The following AFF3 variants were observed in gnomAD, a reference collection of about 807,000 sequenced individuals.
AFF3 encodes AF4/FMR2 family member 3.
In AFF3, 32 loss-of-function variants were observed where a neutral mutation model predicts 129.7. That is an observed-to-expected ratio of 0.25 (90% CI 0.19 to 0.33). The LOEUF (loss-of-function observed/expected upper bound fraction) is 0.33, where lower values mean the gene tolerates loss of function less well. Ranked by LOEUF, AFF3 falls within the 10% of genes least tolerant of loss-of-function variation. The probability of loss-of-function intolerance (pLI) is 1.00; values close to 1 mark genes in which losing one functional copy is unlikely to be tolerated. For synonymous variants in AFF3, 644 were observed against 635.4 expected (o/e 1.01, Z -0.20); for missense variants, 1,373 against 1,592.0 (o/e 0.86, Z 2.34).
At chr2:99,888,624 T>C (rs1416503661) in intron 7 of AFF3, among the ~76,000 whole-genome samples, 1 of 152,212 alleles carries the variant, frequency 6.6e-6, no homozygotes, top group South Asian at 2.1e-4. Context: ...CAGATGGACA[T>C]TTAACTCGAT....
At chr2:99,944,520 C>A (rs1046688655) in intron 7 of AFF3, among the ~76,000 whole-genome samples, 15 of 152,194 alleles carry the variant, frequency 9.9e-5, no homozygotes, top group African/African-American at 2.9e-4. Context: ...AATTCACACA[C>A]CCTGCTGGGA....
At chr2:99,777,947 C>CAAAAAAAAGAAAAAAA (rs1684051547) in intron 8 of AFF3, among the ~76,000 whole-genome samples, 1 of 48,340 alleles carries the variant, frequency 2.1e-5, no homozygotes, top group African/African-American at 7.3e-5. Flanking sequence ...AAAGCAAAAG[C>CAAAAAAAAGAAAAAAA]AAAAAAAAAA....
chr2:99,986,382 G>A (rs1427633951), intron 7 of AFF3, among the ~76,000 whole-genome samples: 2 of 151,910 alleles, frequency 1.3e-5, no homozygotes, highest in Admixed American at 6.6e-5. Context: ...TGTAATAGCA[G>A]TGTCCTTATT....
At chr2:99,700,133 T>A (rs1451849765) in intron 11 of AFF3, among the ~76,000 whole-genome samples, 1 of 152,202 alleles carries the variant, frequency 6.6e-6, no homozygotes, top group Non-Finnish European at 1.5e-5. Context: ...CTTTTTTTTT[T>A]TTTTTGAGAC....
chr2:99,820,990 A>G (rs575479052), intron 8 of AFF3, among the ~76,000 whole-genome samples: 2 of 148,566 alleles, frequency 1.3e-5, no homozygotes, highest in East Asian at 4.1e-4. Context: ...CTCCTGCCTC[A>G]GCCTCCTGAG....
chr2:100,054,426 C>A (rs1329870355), intron 4 of AFF3, among the ~76,000 whole-genome samples: 1 of 152,234 alleles, frequency 6.6e-6, no homozygotes, highest in African/African-American at 2.4e-5. Context: ...AGAACAGAAT[C>A]AAAAGGCAGA....
At chr2:99,601,670 G>A (rs776035553) in intron 13 of AFF3, 49 bp from the exon 14 acceptor site, 20 of 1,559,686 alleles carry the variant, frequency 1.3e-5, no homozygotes, top group Non-Finnish European at 1.6e-5. Flanking sequence ...AAAGCCAAGT[G>A]AGCAAACAGG....
chr2:99,648,948 T>C (rs1237792742), intron 13 of AFF3, among the ~76,000 whole-genome samples: 2 of 60,140 alleles, frequency 3.3e-5, no homozygotes, highest in African/African-American at 5.3e-5. Context: ...CCAATCTTAG[T>C]AAGTGAAAAA....
At chr2:99,688,956 A>C (rs1056957383) in intron 11 of AFF3, among the ~76,000 whole-genome samples, 2 of 152,112 alleles carry the variant, frequency 1.3e-5, no homozygotes, top group Non-Finnish European at 2.9e-5. Flanking sequence ...TCAAACCAGA[A>C]CCTATTACCT....
At chr2:99,646,753 A>C (rs892731175) in intron 13 of AFF3, among the ~76,000 whole-genome samples, 2 of 152,248 alleles carry the variant, frequency 1.3e-5, no homozygotes, top group Non-Finnish European at 2.9e-5. Flanking sequence ...TTTATTCAAA[A>C]GAATAAGTAA....
At chr2:99,993,836 A>AATCTTGTT (rs1172651614) in intron 7 of AFF3, among the ~76,000 whole-genome samples, 1 of 98,388 alleles carries the variant, frequency 1.0e-5, no homozygotes, top group Non-Finnish European at 1.9e-5. Context: ...ACGGAGTTTC[A>AATCTTGTT]ATCTTGTTGC....
At chr2:99,592,006 T>C (rs1010103297) in intron 15 of AFF3, among the ~76,000 whole-genome samples, 3 of 152,242 alleles carry the variant, frequency 2.0e-5, no homozygotes, top group Admixed American at 1.3e-4. Flanking sequence ...CTGAAAACTT[T>C]GTCCTAAATT....
intron 8 of AFF3, among the ~76,000 whole-genome samples, chr2:99,802,719 A>G (rs1018983424): frequency 8.8e-6 from 1 of 113,846 alleles, no homozygotes; most frequent in East Asian, 2.5e-4. Flanking sequence ...TTTTGCAGCT[A>G]TTGTAAAAGG....
intron 4 of AFF3, among the ~76,000 whole-genome samples, chr2:100,098,843 C>T (rs1279595619): frequency 9.2e-6 from 1 of 108,890 alleles, no homozygotes; most frequent in Non-Finnish European, 2.0e-5. Flanking sequence ...ACACACCCCA[C>T]ACGAGGGCTG....
chr2:100,128,826 C>G (rs1692306322), intron 2 of AFF3, among the ~76,000 whole-genome samples: 2 of 152,188 alleles, frequency 1.3e-5, no homozygotes, highest in Admixed American at 1.3e-4. Flanking sequence ...GACTACATGT[C>G]TAAGTGTGCT....
chr2:100,037,797 A>G (rs1215342261), intron 4 of AFF3, among the ~76,000 whole-genome samples: 2 of 136,314 alleles, frequency 1.5e-5, no homozygotes, highest in African/African-American at 5.4e-5. Flanking sequence ...ATTATATAAA[A>G]ATATATAATA....
chr2:99,777,957 A>AC (rs938126878), intron 8 of AFF3, among the ~76,000 whole-genome samples: 2 of 151,056 alleles, frequency 1.3e-5, no homozygotes, highest in Non-Finnish European at 3.0e-5. Context: ...CAAAAAAAAA[A>AC]AAAAAAAAAA....
At chr2:100,102,440 T>C (rs917074331) in intron 4 of AFF3, among the ~76,000 whole-genome samples, 3 of 152,216 alleles carry the variant, frequency 2.0e-5, no homozygotes, top group Non-Finnish European at 4.4e-5. Flanking sequence ...CTGATTAAAA[T>C]GTGATTGCAC....
intron 13 of AFF3, among the ~76,000 whole-genome samples, chr2:99,634,907 G>A (rs963933665): frequency 1.3e-5 from 2 of 150,816 alleles, no homozygotes; most frequent in East Asian, 2.0e-4. Context: ...CTGGCCCCAT[G>A]TGCAGTGCTC....
Sources: gnomAD v4.1 joint callset for allele counts (sites outside exome capture counted in the v4.1 genomes callset) on GRCh38, gnomAD v4.1.1 for gene constraint, MANE v1.5 for transcripts, NCBI Gene and HGNC (gene_info 2026-07-23, HGNC 2026-07-21) for gene names.